ZNF433: variants seen among roughly 807,000 people sequenced by gnomAD.
ZNF433 encodes zinc finger protein 433.
ZNF433 carries 12 observed loss-of-function variants against 10.6 expected under a neutral mutation model. The observed-to-expected ratio is 1.13, with a 90% CI of 0.72 to 1.83. The LOEUF is 1.83. Among genes scored for constraint, ZNF433 ranks in the 40% most tolerant of loss-of-function variants. ZNF433 has a pLI of 0.00. For synonymous variants in ZNF433, 272 were observed against 271.3 expected, an observed-to-expected ratio of 1.00 and a Z score of -0.02; for missense variants, 737 against 798.0, an observed-to-expected ratio of 0.92 and a Z score of 0.92.
chr19:12,026,282 C>A, intron 1 of ZNF433: 1 of 176,048 alleles, frequency 5.7e-6, no homozygotes, highest in Admixed American at 5.5e-5. Flanking sequence ...TGGGAGGATC[C>A]CAAAGACTCC....
intron 1 of ZNF433, chr19:12,034,456 G>A: frequency 5.1e-6 from 1 of 195,010 alleles, no homozygotes; most frequent in Non-Finnish European, 1.1e-5. Context: ...CATTATACCC[G>A]CTTCCTTTAG....
intron 1 of ZNF433, among the ~76,000 whole-genome samples, 161 bp downstream of exon 1, chr19:12,035,376 C>G (rs959706221): frequency 6.6e-6 from 1 of 152,156 alleles, no homozygotes; most frequent in Non-Finnish European, 1.5e-5. Context: ...CGGCCCAGCC[C>G]CACTGTGGGG....
intron 1 of ZNF433, chr19:12,023,738 C>T (rs1974607410): frequency 6.6e-6 from 1 of 151,932 alleles, no homozygotes; most frequent in African/African-American, 2.4e-5. Context: ...TGTGAAGGGC[C>T]CAATGGACAA....
At chr19:12,017,829 T>C in intron 3 of ZNF433, 47 bp downstream of exon 3, 1 of 1,125,660 alleles carries the variant, frequency 8.9e-7, no homozygotes, top group East Asian at 2.4e-5. Context: ...TCTCCCATTC[T>C]AAGATTTTCT....
intron 1 of ZNF433, among the ~76,000 whole-genome samples, chr19:12,030,939 G>T (rs1226808440): frequency 6.6e-6 from 1 of 152,018 alleles, no homozygotes; most frequent in African/African-American, 2.4e-5. Context: ...AGCTGGGTGT[G>T]GTGGAAAACA....
chr19:12,019,022 C>T (rs894979627), intron 1 of ZNF433, among the ~76,000 whole-genome samples: 1 of 144,382 alleles, frequency 6.9e-6, no homozygotes, highest in Non-Finnish European at 1.5e-5. Flanking sequence ...CACACTCCAG[C>T]CTGAGTGACA....
At chr19:12,030,910 TA>T (rs1364241553) in intron 1 of ZNF433, among the ~76,000 whole-genome samples, 1 of 152,110 alleles carries the variant, frequency 6.6e-6, no homozygotes. Flanking sequence ...ACCCCGTCTC[TA>T]TGAAAAATAC....
chr19:12,035,589 C>A lies in ZNF433; in HGVS notation c.-50G>T. 1.3e-6 allele frequency: 2 copies of A among 1,557,322 alleles called. No homozygotes were observed. Among genetic ancestry groups the A allele is most frequent in the Non-Finnish European group, 8.7e-7 (1 of 1,150,890 alleles). ...CGACCAGTGCGGGTCACAGCACAGG[C>A]GACAGAAGCTATGGCAGAGGCACCT... On this transcript the variant is annotated 5_prime_UTR_variant, in exon 1 of 4. Coordinates refer to ENST00000550507, the MANE Select transcript of ZNF433 (RefSeq NM_001308348.2).
chr19:12,026,870 G>C (rs749104021), intron 1 of ZNF433: 4 of 453,928 alleles, frequency 8.8e-6, no homozygotes, highest in South Asian at 4.7e-5. Flanking sequence ...TCAGATGGTA[G>C]AAATGATAAG....
In ZNF433 at chr19:12,015,477, A is replaced by G. The variant is rs770382167; in HGVS notation, c.1381T>C (p.Phe461Leu). 1.5e-5 allele frequency: 24 copies of G among 1,613,412 alleles called. No individual in the cohort carries two copies. Among genetic ancestry groups the G allele is most frequent in the Non-Finnish European group, 1.9e-5 (23 of 1,179,928 alleles). Reference protein sequence around the residue: ...ECGKPFSNFSFFQIHERMHRE... With the variant: ...ECGKPFSNFSLFQIHERMHRE... ...TGCATCCTTTCATGTATTTGAAAGA[A>G]AGAGAAATTACTAAATGGTTTTCCA... The change falls in exon 4 of 4, where the codon TTC (phenylalanine) becomes CTC (leucine). Residue 461 changes from phenylalanine (F) to leucine (L), a missense_variant. By Grantham distance (22) the Phe-to-Leu change is conservative (BLOSUM62 0). Transcript: ENST00000550507.
At chr19:12,019,052 TAAAAAA>T (rs754859866) in intron 1 of ZNF433, among the ~76,000 whole-genome samples, 59 of 62,834 alleles carry the variant, frequency 9.4e-4, no homozygotes, top group African/African-American at 2.9e-3. Context: ...TCCATCTTAA[TAAAAAA>T]AAAAAAAAAA....
intron 1 of ZNF433, among the ~76,000 whole-genome samples, chr19:12,021,230 C>T (rs1323247032): frequency 2.0e-5 from 3 of 152,038 alleles, no homozygotes; most frequent in Admixed American, 2.0e-4. Flanking sequence ...ATTCACCCAC[C>T]TCAGCCTCCC....
intron 1 of ZNF433, chr19:12,023,828 C>T (rs1974611066): frequency 6.6e-6 from 1 of 152,042 alleles, no homozygotes; most frequent in Admixed American, 6.6e-5. Flanking sequence ...ATGGGGAGTA[C>T]AAGTTCTAAT....
chr19:12,017,392 G>A (rs551069207), intron 3 of ZNF433, among the ~76,000 whole-genome samples: 1 of 151,780 alleles, frequency 6.6e-6, no homozygotes, highest in Non-Finnish European at 1.5e-5. Flanking sequence ...TAGTAGAGAT[G>A]GGGTTTCACT....
intron 1 of ZNF433, chr19:12,027,044 G>A (rs774994867): frequency 2.3e-4 from 103 of 448,768 alleles, no homozygotes; most frequent in Non-Finnish European, 2.7e-4. Flanking sequence ...GCATCTAGAA[G>A]GACACTCTAG....
intron 1 of ZNF433, chr19:12,028,106 G>A (rs1247509168): frequency 1.3e-5 from 2 of 151,914 alleles, no homozygotes; most frequent in Non-Finnish European, 2.9e-5. Context: ...GCAGTGGTAT[G>A]ATCATATTTC....
chr19:12,017,797 CCT>C, intron 3 of ZNF433, 77 bp downstream of exon 3: 2 of 888,304 alleles, frequency 2.3e-6, no homozygotes, highest in East Asian at 5.3e-5. Context: ...TCTTTTGTTT[CCT>C]TTTTTTTTTT....
At chr19:12,024,773 C>A (rs1449873761) in intron 1 of ZNF433, 2 of 152,218 alleles carry the variant, frequency 1.3e-5, no homozygotes, top group African/African-American at 4.8e-5. Context: ...TTTTCTTCCA[C>A]ATACTAACTC....
At chr19:12,020,139 GCACAT>G (rs1219777892) in intron 1 of ZNF433, among the ~76,000 whole-genome samples, 1 of 152,080 alleles carries the variant, frequency 6.6e-6, no homozygotes, top group African/African-American at 2.4e-5. Flanking sequence ...GGGCATGATG[GCACAT>G]TCCTGTAATC....
Sources: gnomAD v4.1 joint callset for allele counts (sites outside exome capture counted in the v4.1 genomes callset) on GRCh38, gnomAD v4.1.1 for gene constraint, MANE v1.5 for transcripts, NCBI Gene and HGNC (gene_info 2026-07-23, HGNC 2026-07-21) for gene names.